The following CCDC85C variants were observed in gnomAD, a reference collection of about 807,000 sequenced individuals.
CCDC85C encodes coiled-coil domain-containing protein 85C.
A neutral mutation model predicts 38.3 loss-of-function variants in CCDC85C; 18 were observed. The observed-to-expected ratio is 0.47, with a 90% confidence interval of 0.33 to 0.70. The LOEUF is 0.70. Among genes scored for constraint, CCDC85C ranks in the 30% least tolerant of loss-of-function variants. The probability of loss-of-function intolerance (pLI) is 0.03; values close to 1 mark genes in which losing one functional copy is unlikely to be tolerated. For synonymous variants in CCDC85C, 264 were observed against 293.8 expected (o/e 0.90, Z 1.04); for missense variants, 566 against 621.2 (o/e 0.91, Z 0.94).
At chr14:99,591,396 C>T (rs1160738429) in intron 1 of CCDC85C, among the ~76,000 whole-genome samples, 1 of 152,242 alleles carries the variant, frequency 6.6e-6, no homozygotes, top group African/African-American at 2.4e-5. Context: ...AGCCGCAGGA[C>T]ATCCTCCAAG....
rs1483041622 is a variant in CCDC85C at position 99,535,039 on chromosome 14, C to T, written c.867+976G>A. ...CAAAGGGGTGAGACGTGAGGATGAC[C>T]TCAGTGGGAGCTGTGCTCCCTGCTG... On this transcript the variant is annotated intron_variant, in intron 2 of 5. Transcript: ENST00000380243. This position sits in a 1 kb window ranked among gnomAD's most constrained non-coding sequence, Gnocchi z 5.5. The T allele has an allele frequency of 2.0e-5, 6 of 299,212 alleles. No homozygotes were observed. Among genetic ancestry groups the T allele is most frequent in the Non-Finnish European group, 3.8e-5 (6 of 158,542 alleles). The allele number at this position is 299,212 out of a possible 1,614,324, so 18.5% of individuals were successfully genotyped here. A position where few individuals can be genotyped will look rare whatever the true frequency, so the allele number is the denominator to read the frequency against.
At position 99,507,432 on chromosome 14, in the gene CCDC85C, G is replaced by A. The variant is rs534320242; in HGVS notation, c.*7814C>T. ...TCTAAAAAATTAGCCAGGTGTGGTA[G>A]CACACACCTGTAGTCCCAACTACTT... On this transcript the variant is annotated 3_prime_UTR_variant, in exon 6 of 6. Transcript: ENST00000380243. The A allele has an allele frequency of 5.1e-4, 213 of 416,310 alleles. 1 individual carries two copies. The highest frequency in any genetic ancestry group is 4.0e-3 in the African/African-American group (199 of 49,446). 25.8% of individuals were successfully genotyped at this position (416,310 alleles called of 1,614,324 possible). A position where few individuals can be genotyped will look rare whatever the true frequency, so the allele number is the denominator to read the frequency against.
chr14:99,559,026 C>T (rs1225265029), intron 1 of CCDC85C, among the ~76,000 whole-genome samples: 1 of 152,120 alleles, frequency 6.6e-6, no homozygotes, highest in Non-Finnish European at 1.5e-5. Context: ...GCCTGCAAGA[C>T]GCACCCGCCT....
intron 1 of CCDC85C, among the ~76,000 whole-genome samples, chr14:99,594,985 C>A (rs1289309348): frequency 2.6e-5 from 4 of 152,208 alleles, no homozygotes; most frequent in Non-Finnish European, 1.5e-5. Flanking sequence ...AATAGGACTT[C>A]TAACAGGTAA....
At chr14:99,518,897 G>C (rs1232389724) in intron 3 of CCDC85C, among the ~76,000 whole-genome samples, 1 of 152,096 alleles carries the variant, frequency 6.6e-6, no homozygotes, top group Non-Finnish European at 1.5e-5. Flanking sequence ...GATCCTGAAA[G>C]TGACACCAGG....
rs867757117 is a variant in CCDC85C, at chr14:99,510,399, G to A, written c.*4847C>T. On this transcript the variant is annotated 3_prime_UTR_variant, in exon 6 of 6. Coordinates refer to ENST00000380243, the MANE Select transcript of CCDC85C (RefSeq NM_001144995.2). The stretch of plus-strand genomic sequence containing the variant: ...GAGCCTGCAGTCCATGATGAAGACC[G>A]AGGGACCCTCCTACGGTGCCCTGCC... 5 of 1,559,270 alleles carry A rather than the reference G, an allele frequency of 3.2e-6. No individual in the cohort carries two copies. The highest frequency in any genetic ancestry group is 3.5e-6 in the Non-Finnish European group (4 of 1,154,578).
In CCDC85C at chr14:99,509,197, CCT is replaced by C. The variant is rs1257261827; in HGVS notation, c.*6047_*6048del. 6.6e-6 allele frequency: 1 copy of C among 152,260 alleles called. No individual in the cohort carries two copies. Among genetic ancestry groups the C allele is most frequent in the Non-Finnish European group, 1.5e-5 (1 of 68,074 alleles). The allele number at this position is 152,260 out of a possible 1,614,324, so 9.4% of individuals were successfully genotyped here. A position where few individuals can be genotyped will look rare whatever the true frequency, so the allele number is the denominator to read the frequency against. On this transcript the variant is annotated 3_prime_UTR_variant, in exon 6 of 6. Coordinates refer to ENST00000380243, the MANE Select transcript of CCDC85C (RefSeq NM_001144995.2). ...ACCAGAAGCATCTTCGTGGCTTTGT[CCT>C]CTCTATGTTCTCTGGAACCAGAAAT...
At chr14:99,595,937 G>A (rs1445085787) in intron 1 of CCDC85C, among the ~76,000 whole-genome samples, 4 of 152,220 alleles carry the variant, frequency 2.6e-5, no homozygotes, top group Admixed American at 6.5e-5. Context: ...AAGACTTTCA[G>A]AACCTGCCAC....
chr14:99,534,078 G>A (rs114848205), intron 2 of CCDC85C, among the ~76,000 whole-genome samples: 2,672 of 152,280 alleles, frequency 0.018, 83 homozygotes, highest in African/African-American at 0.061. Flanking sequence ...CTGCAGGGCC[G>A]GGCGTGGTGG....
rs74389860 is a variant in CCDC85C at position 99,563,735 on chromosome 14, A to T, written c.794-27647T>A. On this transcript the variant is annotated intron_variant, in intron 1 of 5. Transcript: ENST00000380243. ...ACTCCCGTGGGCCGTGCTGGCCTCC[A>T]TGTGCCAGCATCCCTTGTGCCTCTC... 8.5e-4 allele frequency among the ~76,000 whole-genome samples: 129 copies of T among 152,288 alleles called. 1 individual carries two copies. The East Asian group carries it at 0.025, about 29-fold the overall frequency.
intron 1 of CCDC85C, among the ~76,000 whole-genome samples, chr14:99,585,148 A>G (rs1320534992): frequency 1.3e-5 from 2 of 152,208 alleles, no homozygotes; most frequent in Non-Finnish European, 2.9e-5. Context: ...CAGTCCTCCC[A>G]TGGGAAGCAA....
chr14:99,575,097 G>A (rs1000285563), intron 1 of CCDC85C, among the ~76,000 whole-genome samples: 1 of 152,212 alleles, frequency 6.6e-6, no homozygotes, highest in East Asian at 1.9e-4. Context: ...AGCCTCCACG[G>A]GGATGGTCAG....
Position 99,510,805 on chromosome 14 carries a change from G to T in CCDC85C, c.*4441C>A. The T allele has an allele frequency of 7.1e-7, 1 of 1,409,160 alleles. No individual in the cohort carries two copies. Among genetic ancestry groups the T allele is most frequent in the Non-Finnish European group, 9.3e-7 (1 of 1,080,932 alleles). 87.3% of individuals were successfully genotyped at this position (1,409,160 alleles called of 1,614,324 possible). On this transcript the variant is annotated 3_prime_UTR_variant, in exon 6 of 6. Coordinates refer to ENST00000380243, the MANE Select transcript of CCDC85C (RefSeq NM_001144995.2). ...TAACGTGAGCCTTTTTTCCCTCTTT[G>T]TTTTTTTAACAAGATTTTCTAATCG...
At chr14:99,519,900 G>A (rs1459024363) in intron 3 of CCDC85C, among the ~76,000 whole-genome samples, 2 of 152,196 alleles carry the variant, frequency 1.3e-5, no homozygotes, top group Admixed American at 6.5e-5. Context: ...CTGGTGGCTG[G>A]GAGGAAGGGG....
At chr14:99,518,371 C>G (rs1193364274) in intron 3 of CCDC85C, among the ~76,000 whole-genome samples, 1 of 151,932 alleles carries the variant, frequency 6.6e-6, no homozygotes, top group Non-Finnish European at 1.5e-5. Context: ...CTCCGGAGGC[C>G]CCCCGAGCCC....
rs892467744 is a variant in CCDC85C, at chr14:99,501,580, C to A, written c.*13666G>T. ...GGCTGACGTCCAGGTCATCTGCTTCCCGGCAGAGGGTTTCCTTCTGCCCTG... is the reference window on the plus strand; with the variant it reads ...GGCTGACGTCCAGGTCATCTGCTTCACGGCAGAGGGTTTCCTTCTGCCCTG... On this transcript the variant is annotated 3_prime_UTR_variant, in exon 6 of 6. Transcript: ENST00000380243. 5 of 587,030 alleles carry A rather than the reference C, an allele frequency of 8.5e-6. No individual in the cohort carries two copies. In the African/African-American group the frequency reaches 9.4e-5, roughly 11 times the overall value. 36.4% of individuals were successfully genotyped at this position (587,030 alleles called of 1,614,324 possible).
chr14:99,586,262 C>T (rs1295000070), intron 1 of CCDC85C, among the ~76,000 whole-genome samples: 1 of 152,232 alleles, frequency 6.6e-6, no homozygotes, highest in Admixed American at 6.5e-5. Flanking sequence ...CTCCCAAGCA[C>T]CAGCAAGCAG....
Position 99,503,516 on chromosome 14 carries a change from T to G in CCDC85C, c.*11730A>C. ...TTTGTCCGAGGCTGTTCACAGTGAC[T>G]GCCGTCGCTGATTCTGGTGGTACCT... On this transcript the variant is annotated 3_prime_UTR_variant, in exon 6 of 6. Coordinates refer to ENST00000380243, the MANE Select transcript of CCDC85C (RefSeq NM_001144995.2). 2 of 1,059,896 alleles carry G rather than the reference T, an allele frequency of 1.9e-6. No homozygotes were observed. The highest frequency in any genetic ancestry group is 4.7e-5 in the Admixed American group (2 of 42,174). 65.7% of individuals were successfully genotyped at this position (1,059,896 alleles called of 1,614,324 possible). A position where few individuals can be genotyped will look rare whatever the true frequency, so the allele number is the denominator to read the frequency against.
intron 2 of CCDC85C, 78 bp from the exon 3 acceptor site, chr14:99,522,318 G>A (rs146474197): frequency 1.2e-4 from 125 of 1,081,244 alleles, no homozygotes; most frequent in African/African-American, 9.4e-4. Context: ...GGCTCCTCAC[G>A]GCAGCAGGGG....
Sources: allele counts gnomAD v4.1 joint callset (sites outside exome capture counted in the v4.1 genomes callset), GRCh38; gene constraint gnomAD v4.1.1; non-coding constraint Gnocchi (gnomAD v3.1); transcripts MANE v1.5; gene names NCBI Gene and HGNC (gene_info 2026-07-23, HGNC 2026-07-21).